RBFOX3: variants seen among roughly 807,000 people sequenced by gnomAD.
The protein encoded by RBFOX3 is RNA binding fox-1 homolog 3.
Under a neutral mutation model 48.7 loss-of-function variants are expected in RBFOX3, and 17 were observed. The observed-to-expected ratio is 0.35, with a 90% CI of 0.24 to 0.52. RBFOX3 has a LOEUF of 0.52. RBFOX3 is among the 20% of genes least tolerant of loss of function. The pLI is 0.94. For synonymous variants in RBFOX3, 212 were observed against 209.5 expected, an observed-to-expected ratio of 1.01 and a Z score of -0.10; for missense variants, 382 against 497.5, an observed-to-expected ratio of 0.77 and a Z score of 2.21.
At chr17:79,358,371 T>C (rs540126760) in intron 2 of RBFOX3, among the ~76,000 whole-genome samples, 22 of 152,190 alleles carry the variant, frequency 1.4e-4, no homozygotes, top group Non-Finnish European at 2.6e-4. Context: ...GACCCCACCA[T>C]CGGCACACTG....
intron 4 of RBFOX3, among the ~76,000 whole-genome samples, chr17:79,160,701 C>T (rs568071764): frequency 1.2e-4 from 18 of 152,276 alleles, no homozygotes; most frequent in Admixed American, 8.5e-4. Flanking sequence ...AACATCTTGG[C>T]GAGCGTAGTG....
chr17:79,231,784 A>T (rs771558274), intron 4 of RBFOX3, among the ~76,000 whole-genome samples: 16 of 152,238 alleles, frequency 1.1e-4, no homozygotes, highest in Admixed American at 2.6e-4. Flanking sequence ...ATGAAATTAA[A>T]GAAATTCTAA....
intron 3 of RBFOX3, among the ~76,000 whole-genome samples, chr17:79,241,462 G>A (rs192440775): frequency 1.1e-3 from 174 of 152,186 alleles, no homozygotes; most frequent in African/African-American, 4.1e-3. Flanking sequence ...CTGGGAAGAG[G>A]GGCAAGGAAA....
rs2078862602 is a variant in RBFOX3, at chr17:79,482,087, G to A, written c.-175+367C>T. Among the ~76,000 whole-genome samples the A allele has an allele frequency of 6.6e-6, 1 of 152,146 alleles. No homozygotes were observed. The highest frequency in any genetic ancestry group is 2.1e-4 in the South Asian group (1 of 4,826). On this transcript the variant is annotated intron_variant, in intron 2 of 14. Transcript: ENST00000693108. The surrounding 1 kb of genome is among the most constrained non-coding windows in gnomAD (Gnocchi z 4.1). ...CGGAGCAATCTGGGCAGCAGAACAC[G>A]AACCGTGCAGGGGAGGGTCAGGCCC... is the stretch of plus-strand genomic sequence containing the variant.
chr17:79,559,366 GGATGGAT>G (rs2092015854), intron 1 of RBFOX3, among the ~76,000 whole-genome samples: 1 of 151,776 alleles, frequency 6.6e-6, no homozygotes, highest in Admixed American at 6.6e-5. Flanking sequence ...TGGGTGGATG[GGATGGAT>G]GATTGGATGG....
chr17:79,291,150 G>A (rs946552103), intron 3 of RBFOX3, among the ~76,000 whole-genome samples: 4 of 152,230 alleles, frequency 2.6e-5, no homozygotes, highest in Non-Finnish European at 5.9e-5. Context: ...GGTCAAAAAT[G>A]AGTCAAAGTT....
intron 2 of RBFOX3, among the ~76,000 whole-genome samples, chr17:79,446,163 G>A (rs941027485): frequency 1.2e-4 from 19 of 152,170 alleles, no homozygotes; most frequent in Non-Finnish European, 8.8e-5. Context: ...CAGCATGGTC[G>A]GTCAAGCTGA....
At chr17:79,649,133 C>T in the RBFOX3 span, among the ~76,000 whole-genome samples, 2 of 152,124 alleles carry the variant, frequency 1.3e-5, no homozygotes, top group South Asian at 2.1e-4. Flanking sequence ...CACACACCAC[C>T]ATGCCTGGCT....
chr17:79,267,175 C>T (rs560847226), intron 3 of RBFOX3, among the ~76,000 whole-genome samples: 57 of 152,036 alleles, frequency 3.7e-4, no homozygotes, highest in Admixed American at 5.2e-4. Context: ...GGGGTGGGGG[C>T]AAGGGGGCAT....
rs2058551006 is a variant in RBFOX3 at position 79,212,795 on chromosome 17, C to T, written c.-34+22971G>A. Among the ~76,000 whole-genome samples the T allele has an allele frequency of 6.6e-6, 1 of 152,110 alleles. No homozygotes were observed. Among genetic ancestry groups the T allele is most frequent in the African/African-American group, 2.4e-5 (1 of 41,428 alleles). On this transcript the variant is annotated intron_variant, in intron 4 of 14. Coordinates refer to ENST00000693108, the MANE Select transcript of RBFOX3 (RefSeq NM_001350451.2). The surrounding 1 kb of genome is among the most constrained non-coding windows in gnomAD (Gnocchi z 4.7). ...AAAGTGCCTGGCTCTAAACAGAAGC[C>T]AGGCCCATTCTCTCCCTTAGGGGAC...
chr17:79,105,255 CAGGGAGCT>C (rs1436864358), intron 6 of RBFOX3, among the ~76,000 whole-genome samples: 3 of 152,196 alleles, frequency 2.0e-5, no homozygotes, highest in African/African-American at 7.2e-5. Context: ...TGCAGGGACC[CAGGGAGCT>C]GATGGGGGAC....
At chr17:79,286,349 T>C (rs1337428974) in intron 3 of RBFOX3, among the ~76,000 whole-genome samples, 3 of 152,200 alleles carry the variant, frequency 2.0e-5, no homozygotes, top group Non-Finnish European at 4.4e-5. Context: ...CGCCCCCGGC[T>C]GCCATCTGCA....
chr17:79,237,328 G>A (rs1862929412), intron 3 of RBFOX3, among the ~76,000 whole-genome samples: 1 of 151,936 alleles, frequency 6.6e-6, no homozygotes, highest in South Asian at 2.1e-4. Flanking sequence ...TGGTTTATGA[G>A]CCAGGCACCG....
At chr17:79,383,072 ACAG>A in intron 2 of RBFOX3, among the ~76,000 whole-genome samples, 1 of 147,918 alleles carries the variant, frequency 6.8e-6, no homozygotes, top group Middle Eastern at 3.4e-3. Context: ...ACACACACAC[ACAG>A]TGTGTAGAAT....
intron 2 of RBFOX3, among the ~76,000 whole-genome samples, chr17:79,368,499 G>T (rs2124606): frequency 6.6e-6 from 1 of 152,082 alleles, no homozygotes; most frequent in African/African-American, 2.4e-5. Context: ...GGAGTCAGTC[G>T]TGGGTTCCAC....
At chr17:79,218,077 C>T (rs920932047) in intron 4 of RBFOX3, among the ~76,000 whole-genome samples, 3 of 152,110 alleles carry the variant, frequency 2.0e-5, no homozygotes, top group Non-Finnish European at 4.4e-5. Context: ...GTGGTACCCA[C>T]TGGTGATCCG....
intron 2 of RBFOX3, among the ~76,000 whole-genome samples, chr17:79,399,163 T>C (rs1161359942): frequency 1.3e-5 from 2 of 152,140 alleles, no homozygotes; most frequent in Non-Finnish European, 2.9e-5. Context: ...GGCATGGCCC[T>C]GCTGACCCCT....
intron 2 of RBFOX3, among the ~76,000 whole-genome samples, chr17:79,434,466 T>C (rs2069029402): frequency 6.6e-6 from 1 of 151,508 alleles, no homozygotes; most frequent in Admixed American, 6.6e-5. Context: ...GGAGGAGGAG[T>C]CTGGAAGTGT....
upstream of RBFOX3, among the ~76,000 whole-genome samples, chr17:79,614,672 C>T (rs993975484): frequency 1.3e-5 from 2 of 152,098 alleles, no homozygotes; most frequent in Middle Eastern, 3.2e-3. Flanking sequence ...CATCCATGAA[C>T]CAAGAGCAGG....
Sources: allele counts gnomAD v4.1 joint callset (sites outside exome capture counted in the v4.1 genomes callset), GRCh38; gene constraint gnomAD v4.1.1; non-coding constraint Gnocchi (gnomAD v3.1); transcripts MANE v1.5; gene names NCBI Gene and HGNC (gene_info 2026-07-23, HGNC 2026-07-21).